The following GRM5 variants were observed in gnomAD, a reference collection of about 807,000 sequenced individuals.
GRM5 encodes the protein metabotropic glutamate receptor 5.
In GRM5, 19 loss-of-function variants were observed where a neutral mutation model predicts 83.1. That is an observed-to-expected ratio of 0.23 (90% CI 0.16 to 0.34). The LOEUF (loss-of-function observed/expected upper bound fraction) is 0.34, where lower values mean the gene tolerates loss of function less well. Ranked by LOEUF, GRM5 falls within the 10% of genes least tolerant of loss-of-function variation. GRM5 has a pLI of 1.00. For missense variants in GRM5, 1,160 were observed against 1,588.3 expected (o/e 0.73, Z 4.58); for synonymous variants, 675 against 633.6 (o/e 1.07, Z -0.98).
chr11:88,773,150 C>CA (rs1942776179), intron 3 of GRM5, among the ~76,000 whole-genome samples: 1 of 152,054 alleles, frequency 6.6e-6, no homozygotes, highest in African/African-American at 2.4e-5. Context: ...TTCTAACTGG[C>CA]ATGAGATGGT....
intron 3 of GRM5, among the ~76,000 whole-genome samples, chr11:88,725,863 CA>C (rs35043798): frequency 0.12 from 18,708 of 152,026 alleles, 1,521 homozygotes; most frequent in Middle Eastern, 0.19. Flanking sequence ...AGGATGTCCA[CA>C]AAAAACTCCA....
intron 7 of GRM5, among the ~76,000 whole-genome samples, chr11:88,572,087 T>C (rs957308648): frequency 1.3e-5 from 2 of 152,188 alleles, no homozygotes; most frequent in Admixed American, 6.5e-5. Flanking sequence ...TCACATTTCA[T>C]GGGAATGATA....
intron 3 of GRM5, among the ~76,000 whole-genome samples, chr11:88,762,569 A>G (rs1942545420): frequency 1.3e-5 from 2 of 152,048 alleles, no homozygotes; most frequent in African/African-American, 4.8e-5. Flanking sequence ...GGAAACTTAT[A>G]CACTGTTGAT....
Position 88,546,526 on chromosome 11 carries a change from T to C in GRM5, c.2630+20527A>G, listed in dbSNP as rs562118682. Reference sequence around the variant, plus strand: ...TAATAATTATATATGTTAAAACTTTTGTTGCAGTTTGCTTGGAATTTGGCT... The same window carrying C: ...TAATAATTATATATGTTAAAACTTTCGTTGCAGTTTGCTTGGAATTTGGCT... On this transcript the variant is annotated intron_variant, in intron 8 of 9. Coordinates refer to ENST00000305447, the MANE Select transcript of GRM5 (RefSeq NM_001143831.3). Among the ~76,000 whole-genome samples, 20 of 152,268 alleles carry C rather than the reference T, an allele frequency of 1.3e-4. No individual in the cohort carries two copies. The East Asian group carries it at 3.9e-3, about 29-fold the overall frequency.
intron 3 of GRM5, among the ~76,000 whole-genome samples, chr11:88,755,847 T>G (rs1398750544): frequency 6.6e-6 from 1 of 152,192 alleles, no homozygotes; most frequent in African/African-American, 2.4e-5. Flanking sequence ...TGTGAGGATT[T>G]ACACAGAGTC....
chr11:88,878,208 A>G (rs1426791021), intron 2 of GRM5, among the ~76,000 whole-genome samples: 1 of 152,170 alleles, frequency 6.6e-6, no homozygotes, highest in African/African-American at 2.4e-5. Flanking sequence ...TGAATTATTA[A>G]GCAGAACACC....
chr11:88,958,238 A>G (rs1191869794), intron 2 of GRM5, among the ~76,000 whole-genome samples: 1 of 150,100 alleles, frequency 6.7e-6, no homozygotes, highest in Non-Finnish European at 1.5e-5. Context: ...ACTTTCAAAA[A>G]TATTTTATAT....
intron 7 of GRM5, among the ~76,000 whole-genome samples, chr11:88,569,997 C>T (rs924904082): frequency 4.0e-5 from 6 of 151,344 alleles, no homozygotes; most frequent in Non-Finnish European, 7.4e-5. Context: ...AGGGTAGCTT[C>T]GTTGTAGAAA....
At chr11:88,925,664 C>CA (rs1223790322) in intron 2 of GRM5, 1 of 433,552 alleles carries the variant, frequency 2.3e-6, no homozygotes, top group Non-Finnish European at 4.6e-6. Flanking sequence ...ATAATCCCAG[C>CA]AATTTGGAAG....
intron 4 of GRM5, among the ~76,000 whole-genome samples, chr11:88,629,049 C>T (rs980528338): frequency 6.6e-6 from 1 of 152,110 alleles, no homozygotes. Flanking sequence ...TGGTGCTTTC[C>T]TATGTGCTCA....
chr11:88,967,248 CAT>C (rs61389354), intron 2 of GRM5, among the ~76,000 whole-genome samples: 31,948 of 140,824 alleles, frequency 0.23, 4,270 homozygotes, highest in Non-Finnish European at 0.33. Context: ...TATATATACA[CAT>C]ATATATATAT....
intron 8 of GRM5, among the ~76,000 whole-genome samples, chr11:88,545,789 A>G (rs941174193): frequency 4.6e-5 from 7 of 152,064 alleles, no homozygotes; most frequent in Admixed American, 1.3e-4. Context: ...TATTCTATCT[A>G]CAGAAACCAG....
chr11:89,041,973 G>A (rs538186790), intron 2 of GRM5, among the ~76,000 whole-genome samples: 131 of 152,234 alleles, frequency 8.6e-4, no homozygotes, highest in Non-Finnish European at 1.6e-3. Flanking sequence ...CCTTCGATAC[G>A]ACCCAGGAAA....
At chr11:88,775,153 C>G (rs950849073) in intron 3 of GRM5, among the ~76,000 whole-genome samples, 1 of 152,144 alleles carries the variant, frequency 6.6e-6, no homozygotes, top group African/African-American at 2.4e-5. Flanking sequence ...TCAACTTCTT[C>G]CTGGTTTAGT....
rs139845376 is a variant in GRM5 at position 88,695,163 on chromosome 11, G to A, written c.912-41760C>T. The stretch of plus-strand genomic sequence containing the variant: ...TAGCAAAGAGCTTGCATGTCTCTTC[G>A]TTTCCATCAAATATATTTTCAGAAG... On this transcript the variant is annotated intron_variant, in intron 3 of 9. Transcript: ENST00000305447. Among the ~76,000 whole-genome samples, 331 of 152,192 alleles carry A rather than the reference G, an allele frequency of 2.2e-3. 2 individuals are homozygous for A. Among genetic ancestry groups the A allele is most frequent in the African/African-American group, 7.5e-3 (313 of 41,528 alleles).
chr11:88,554,262 A>C (rs1942575514), intron 8 of GRM5, among the ~76,000 whole-genome samples: 1 of 152,024 alleles, frequency 6.6e-6, no homozygotes, highest in South Asian at 2.1e-4. Context: ...AGCACTTTCA[A>C]ATGTCTCTCC....
At chr11:88,678,319 G>A (rs948385594) in intron 3 of GRM5, among the ~76,000 whole-genome samples, 8 of 151,940 alleles carry the variant, frequency 5.3e-5, no homozygotes, top group Admixed American at 6.6e-5. Context: ...TTGGCCTCCC[G>A]AAGCACTGGT....
intron 2 of GRM5, among the ~76,000 whole-genome samples, chr11:88,910,855 T>C (rs1945484835): frequency 6.9e-6 from 1 of 145,980 alleles, no homozygotes; most frequent in Admixed American, 6.9e-5. Flanking sequence ...ATTTTTTTTT[T>C]GTTTCAGATA....
chr11:88,801,693 C>A (rs959268639), intron 3 of GRM5, among the ~76,000 whole-genome samples: 4 of 152,000 alleles, frequency 2.6e-5, no homozygotes, highest in Non-Finnish European at 4.4e-5. Context: ...AGGTGAGAAA[C>A]CCACATGCTA....
Sources: allele counts gnomAD v4.1 joint callset (sites outside exome capture counted in the v4.1 genomes callset), GRCh38; gene constraint gnomAD v4.1.1; transcripts MANE v1.5; gene names NCBI Gene and HGNC (gene_info 2026-07-23, HGNC 2026-07-21).